The following SPOCK1 variants were observed in gnomAD, a reference collection of about 807,000 sequenced individuals.
The protein encoded by SPOCK1 is testican-1.
SPOCK1 carries 23 observed loss-of-function variants against 55.3 expected under a neutral mutation model. The ratio of observed to expected loss-of-function variants is 0.42; its 90% confidence interval spans 0.30 to 0.59. SPOCK1 has a LOEUF of 0.59. SPOCK1 is among the 20% of genes least tolerant of loss of function. The probability of loss-of-function intolerance (pLI) is 0.22; values close to 1 mark genes in which losing one functional copy is unlikely to be tolerated. For synonymous variants in SPOCK1, 226 were observed against 221.0 expected, an observed-to-expected ratio of 1.02 and a Z score of -0.20; for missense variants, 499 against 552.5, an observed-to-expected ratio of 0.90 and a Z score of 0.97.
chr5:137,330,011 T>G (rs529113540), intron 2 of SPOCK1, among the ~76,000 whole-genome samples: 1 of 152,306 alleles, frequency 6.6e-6, no homozygotes, highest in South Asian at 2.1e-4. Context: ...GCCATTATTA[T>G]ATGTCCCATG....
At chr5:137,196,750 A>T (rs1419178097) in intron 3 of SPOCK1, among the ~76,000 whole-genome samples, 1 of 152,204 alleles carries the variant, frequency 6.6e-6, no homozygotes, top group East Asian at 1.9e-4. Context: ...TCATTTGGTT[A>T]ATGTTTCCCA....
chr5:137,222,802 G>A (rs1755879034), intron 3 of SPOCK1, among the ~76,000 whole-genome samples: 1 of 152,138 alleles, frequency 6.6e-6, no homozygotes, highest in Admixed American at 6.5e-5. Context: ...TTTCTCAAAG[G>A]GGGCCACACT....
intron 5 of SPOCK1, among the ~76,000 whole-genome samples, chr5:137,108,050 CA>C (rs1485275508): frequency 3.3e-5 from 5 of 152,096 alleles, no homozygotes; most frequent in African/African-American, 1.2e-4. Context: ...ACCGATGATC[CA>C]AAAAAGGTTC....
intron 2 of SPOCK1, among the ~76,000 whole-genome samples, chr5:137,438,571 T>C (rs1752913862): frequency 1.3e-5 from 2 of 152,210 alleles, no homozygotes; most frequent in Admixed American, 6.5e-5. Context: ...AGGGAATATC[T>C]ACAGCCCAAT....
rs3043282 is a variant in SPOCK1 at position 137,377,942 on chromosome 5, C to CTTTT, written c.187-110891_187-110888dup. Among the ~76,000 whole-genome samples, 490 of 104,530 alleles carry CTTTT rather than the reference C, an allele frequency of 4.7e-3. 3 individuals carry two copies. The highest frequency in any genetic ancestry group is 7.0e-3 in the African/African-American group (194 of 27,780). The allele number at this position is 104,530 out of a possible 152,430, so 68.6% of individuals were successfully genotyped here. ...AGAAATGCAATACAATCACTTCTTCCTTTTTTTTTTTTTTTTTTTTTTGAG... is the reference window on the plus strand; with the variant it reads ...AGAAATGCAATACAATCACTTCTTCCTTTTTTTTTTTTTTTTTTTTTTTTTTGAG... On this transcript the variant is annotated intron_variant, in intron 2 of 10. Coordinates refer to ENST00000394945, the MANE Select transcript of SPOCK1 (RefSeq NM_004598.4).
chr5:136,995,293 C>T (rs1254801556), intron 6 of SPOCK1, among the ~76,000 whole-genome samples: 1 of 152,170 alleles, frequency 6.6e-6, no homozygotes, highest in Non-Finnish European at 1.5e-5. Flanking sequence ...AGCCAGGAAC[C>T]AGCATCTCTT....
At chr5:137,269,828 T>TGTCA (rs1756926221) in intron 2 of SPOCK1, among the ~76,000 whole-genome samples, 1 of 152,152 alleles carries the variant, frequency 6.6e-6, no homozygotes, top group Non-Finnish European at 1.5e-5. Context: ...TAAGGATAGT[T>TGTCA]GTCAGTGGTC....
At chr5:137,338,915 G>T (rs1325528158) in intron 2 of SPOCK1, among the ~76,000 whole-genome samples, 1 of 152,160 alleles carries the variant, frequency 6.6e-6, no homozygotes, top group African/African-American at 2.4e-5. Context: ...ATTAAGTCAA[G>T]GAATGTGCAT....
At chr5:137,170,505 T>A (rs909843659) in intron 3 of SPOCK1, among the ~76,000 whole-genome samples, 2 of 152,084 alleles carry the variant, frequency 1.3e-5, no homozygotes, top group African/African-American at 2.4e-5. Flanking sequence ...GCTATCAGGG[T>A]TAGATGACGT....
chr5:137,241,273 T>C (rs572737075), intron 3 of SPOCK1, among the ~76,000 whole-genome samples: 1 of 152,272 alleles, frequency 6.6e-6, no homozygotes, highest in East Asian at 1.9e-4. Context: ...TTTTACTTAG[T>C]AGTACACATA....
At chr5:136,999,370 C>A (rs1751106080) in intron 6 of SPOCK1, among the ~76,000 whole-genome samples, 1 of 152,110 alleles carries the variant, frequency 6.6e-6, no homozygotes, top group Non-Finnish European at 1.5e-5. Context: ...TCTGCCTGTA[C>A]CCCGGGACCC....
intron 5 of SPOCK1, among the ~76,000 whole-genome samples, chr5:137,087,845 A>G (rs1481218004): frequency 7.2e-6 from 1 of 138,800 alleles, no homozygotes; most frequent in Non-Finnish European, 1.6e-5. Flanking sequence ...GAAACAGAAA[A>G]AAGTGTGTAA....
In SPOCK1 at chr5:136,978,407, A is replaced by G. The variant is rs542283799; in HGVS notation, c.*247T>C. 2.7e-4 allele frequency: 108 copies of G among 402,454 alleles called. No individual in the cohort carries two copies. Among genetic ancestry groups the G allele is most frequent in the Non-Finnish European group, 4.0e-4 (91 of 229,112 alleles). 24.9% of individuals were successfully genotyped at this position (402,454 alleles called of 1,614,324 possible). ...ACAGAAAGGAAGGAGGCTCTAATTA[A>G]GCCAATGACTTCCCTATCCAAAAAA... On this transcript the variant is annotated 3_prime_UTR_variant, in exon 11 of 11. Transcript: ENST00000394945.
chr5:137,159,599 T>C (rs1478762178), intron 3 of SPOCK1, among the ~76,000 whole-genome samples: 8 of 152,128 alleles, frequency 5.3e-5, no homozygotes, highest in Admixed American at 6.5e-5. Flanking sequence ...TATTTGGTTT[T>C]CTGTTCCTAA....
chr5:137,006,111 T>C (rs529222220), intron 6 of SPOCK1, among the ~76,000 whole-genome samples: 33 of 152,326 alleles, frequency 2.2e-4, no homozygotes, highest in Admixed American at 7.2e-4. Flanking sequence ...ACTGAAGCCT[T>C]GTAGTATAGT....
chr5:137,331,606 T>C (rs76155391), intron 2 of SPOCK1, among the ~76,000 whole-genome samples: 108 of 152,192 alleles, frequency 7.1e-4, no homozygotes, highest in Non-Finnish European at 1.1e-3. Context: ...TGAAGGAAGA[T>C]GAGGCAGGAA....
intron 2 of SPOCK1, among the ~76,000 whole-genome samples, chr5:137,487,713 A>T (rs183550245): frequency 1.3e-5 from 2 of 152,314 alleles, no homozygotes; most frequent in Admixed American, 1.3e-4. Context: ...CTGGAATTTC[A>T]TCATGTAGAA....
At chr5:137,237,298 G>A (rs1319087160) in intron 3 of SPOCK1, among the ~76,000 whole-genome samples, 1 of 152,174 alleles carries the variant, frequency 6.6e-6, no homozygotes, top group Non-Finnish European at 1.5e-5. Flanking sequence ...GAGTGGCAGT[G>A]TGTGCCTCTC....
intron 3 of SPOCK1, among the ~76,000 whole-genome samples, chr5:137,169,931 A>G (rs1163613598): frequency 6.6e-6 from 1 of 152,216 alleles, no homozygotes; most frequent in Non-Finnish European, 1.5e-5. Context: ...GAAAGCCACA[A>G]ATAAAATACA....
Sources: allele counts gnomAD v4.1 joint callset (sites outside exome capture counted in the v4.1 genomes callset), GRCh38; gene constraint gnomAD v4.1.1; transcripts MANE v1.5; gene names NCBI Gene and HGNC (gene_info 2026-07-23, HGNC 2026-07-21).